HECW1: variants seen among roughly 807,000 people sequenced by gnomAD.
The protein encoded by HECW1 is HECT, C2 and WW domain containing E3 ubiquitin protein ligase 1, also known as E3 ubiquitin-protein ligase HECW1.
Under a neutral mutation model 182.3 loss-of-function variants are expected in HECW1, and 61 were observed. The ratio of observed to expected loss-of-function variants is 0.33; its 90% CI spans 0.27 to 0.41. The LOEUF (loss-of-function observed/expected upper bound fraction) is 0.41. Among genes scored for constraint, HECW1 ranks in the 10% least tolerant of loss-of-function variants. HECW1 has a pLI of 1.00. For missense variants in HECW1, 1,739 were observed against 2,108.9 expected (o/e 0.82, Z 3.44); for synonymous variants, 859 against 832.6 (o/e 1.03, Z -0.55).
intron 2 of HECW1, among the ~76,000 whole-genome samples, chr7:43,186,094 T>C (rs568877651): frequency 2.0e-5 from 3 of 152,314 alleles, no homozygotes; most frequent in East Asian, 3.9e-4. Flanking sequence ...AAGAGCAAGA[T>C]AATCGTCATA....
At chr7:43,523,084 ACCT>A in intron 24 of HECW1, 1 of 423,492 alleles carries the variant, frequency 2.4e-6, no homozygotes, top group South Asian at 1.7e-5. Context: ...GCTCACTGCA[ACCT>A]CCTCCTCCCA....
chr7:43,127,290 G>A (rs1027904412), intron 2 of HECW1, among the ~76,000 whole-genome samples: 9 of 152,210 alleles, frequency 5.9e-5, no homozygotes, highest in East Asian at 1.9e-4. Context: ...TTGGGAGGCC[G>A]AGGCGGATAG....
intron 8 of HECW1, among the ~76,000 whole-genome samples, chr7:43,412,981 G>A (rs1177080326): frequency 7.5e-5 from 11 of 147,476 alleles, no homozygotes; most frequent in Admixed American, 6.1e-4. Flanking sequence ...TAATGGGATG[G>A]CTGGGTCAAA....
chr7:43,216,989 G>C (rs928955816), intron 2 of HECW1, among the ~76,000 whole-genome samples: 4 of 152,070 alleles, frequency 2.6e-5, no homozygotes, highest in African/African-American at 4.8e-5. Flanking sequence ...GCACCAGAGG[G>C]ACCAGCTGTC....
At position 43,442,558 on chromosome 7, in the gene HECW1, G is replaced by A. The variant is rs777637538; in HGVS notation, c.974G>A (p.Arg325His). Residue 325 changes from arginine to histidine, a missense_variant, in exon 10 of 30, where the codon CGC becomes CAC. This residue lies in a region of HECW1 where 66 missense variants were observed against 113.8 expected (regional missense o/e 0.58). Coordinates refer to ENST00000395891, the MANE Select transcript of HECW1 (RefSeq NM_015052.5). ...GDRVVSYTLG[R>H]RLPTDHVSGQ... is the part of the protein sequence containing the mutation. The stretch of plus-strand genomic sequence containing the variant: ...AGGGTGGTCAGCTACACACTTGGCC[G>A]CAGGCTTCCAACAGATCATGTGAGT... 20 of 1,613,244 alleles carry A rather than the reference G, an allele frequency of 1.2e-5. No individual in the cohort carries two copies. Among genetic ancestry groups the A allele is most frequent in the South Asian group, 3.3e-5 (3 of 90,986 alleles).
intron 2 of HECW1, among the ~76,000 whole-genome samples, chr7:43,159,223 G>A (rs891344561): frequency 3.3e-5 from 5 of 149,704 alleles, no homozygotes; most frequent in Admixed American, 1.3e-4. Context: ...TAGGGTACAT[G>A]TGCACAATGT....
chr7:43,297,899 T>G (rs935299148), intron 3 of HECW1, among the ~76,000 whole-genome samples: 6 of 152,170 alleles, frequency 3.9e-5, no homozygotes, highest in Non-Finnish European at 8.8e-5. Context: ...TAGAGAGACC[T>G]GTCTCTAGAA....
Position 43,371,036 on chromosome 7 carries a change from C to T in HECW1, c.555+10056C>T, listed in dbSNP as rs1470394931. Reference sequence around the variant, plus strand: ...CCGAGTAGCTGGGACTACAGGTGCCCGCCACCACGTCTGGCTAATTTTTTG... The same window carrying T: ...CCGAGTAGCTGGGACTACAGGTGCCTGCCACCACGTCTGGCTAATTTTTTG... On this transcript the variant is annotated intron_variant, in intron 6 of 29. Coordinates refer to ENST00000395891, the MANE Select transcript of HECW1 (RefSeq NM_015052.5). Among the ~76,000 whole-genome samples, 13 of 151,914 alleles carry T rather than the reference C, an allele frequency of 8.6e-5. No homozygotes were observed. In the East Asian group the frequency reaches 1.5e-3, roughly 18 times the overall value.
intron 2 of HECW1, among the ~76,000 whole-genome samples, chr7:43,228,038 T>C (rs995403348): frequency 6.6e-6 from 1 of 152,122 alleles, no homozygotes; most frequent in South Asian, 2.1e-4. Context: ...CTGGGAAGGG[T>C]GAGTAAGCAG....
chr7:43,206,175 C>G (rs17172173), intron 2 of HECW1, among the ~76,000 whole-genome samples: 6,615 of 152,216 alleles, frequency 0.043, 180 homozygotes, highest in Middle Eastern at 0.065. Flanking sequence ...TAGATGAGCT[C>G]CTACCATGTG....
At chr7:43,176,516 G>C (rs552630103) in intron 2 of HECW1, among the ~76,000 whole-genome samples, 1 of 152,208 alleles carries the variant, frequency 6.6e-6, no homozygotes, top group Non-Finnish European at 1.5e-5. Flanking sequence ...CCTTCTTACT[G>C]GTGGGGACTC....
At chr7:43,273,110 G>C (rs1348661322) in intron 3 of HECW1, among the ~76,000 whole-genome samples, 1 of 152,158 alleles carries the variant, frequency 6.6e-6, no homozygotes, top group Non-Finnish European at 1.5e-5. Context: ...ACAAGTGGGA[G>C]CTAAACATTG....
intron 16 of HECW1, among the ~76,000 whole-genome samples, chr7:43,473,779 T>C (rs2078114141): frequency 6.6e-6 from 1 of 152,186 alleles, no homozygotes; most frequent in Non-Finnish European, 1.5e-5. Context: ...GTTTGTACCA[T>C]TTAAAATAGA....
rs190757683 is a variant in HECW1, at chr7:43,184,393, C to T, written c.-31-59482C>T. On this transcript the variant is annotated intron_variant, in intron 2 of 29. Transcript: ENST00000395891. ...GAACACTGAGTTGGGCAGAGATGCC[C>T]AGTAGCAGACCATTATATAGCTGTG... Among the ~76,000 whole-genome samples, 257 of 152,324 alleles carry T rather than the reference C, an allele frequency of 1.7e-3. 2 individuals carry two copies. The highest frequency in any genetic ancestry group is 5.9e-3 in the African/African-American group (244 of 41,578).
At chr7:43,559,296 T>A (rs1453104855) in intron 29 of HECW1, among the ~76,000 whole-genome samples, 2 of 152,046 alleles carry the variant, frequency 1.3e-5, no homozygotes, top group Admixed American at 6.5e-5. Flanking sequence ...CGACACAACT[T>A]AAAGACCCGT....
chr7:43,485,578 A>C (rs1250651799), intron 17 of HECW1, among the ~76,000 whole-genome samples: 2 of 152,226 alleles, frequency 1.3e-5, no homozygotes, highest in Non-Finnish European at 2.9e-5. Flanking sequence ...TATGGCTCCC[A>C]GGCTGCAAAC....
intron 3 of HECW1, among the ~76,000 whole-genome samples, chr7:43,300,504 G>A (rs1037483267): frequency 2.0e-5 from 3 of 152,188 alleles, no homozygotes; most frequent in Non-Finnish European, 4.4e-5. Flanking sequence ...TGGAAGGAGC[G>A]AGAGATTCCT....
intron 2 of HECW1, among the ~76,000 whole-genome samples, chr7:43,159,926 G>A (rs553624370): frequency 5.9e-5 from 9 of 152,172 alleles, no homozygotes; most frequent in African/African-American, 2.2e-4. Context: ...TGATCTGCCC[G>A]CCTCGGCCTC....
At chr7:43,288,557 T>C (rs1804967329) in intron 3 of HECW1, among the ~76,000 whole-genome samples, 1 of 152,192 alleles carries the variant, frequency 6.6e-6, no homozygotes, top group Admixed American at 6.5e-5. Context: ...GGCCCCGCTC[T>C]CCACTCACTC....
Sources: allele counts gnomAD v4.1 joint callset (sites outside exome capture counted in the v4.1 genomes callset), GRCh38; gene constraint gnomAD v4.1.1; regional missense constraint gnomAD v4.1.1; transcripts MANE v1.5; gene names NCBI Gene and HGNC (gene_info 2026-07-23, HGNC 2026-07-21).